ANKRD13C: variants seen among roughly 807,000 people sequenced by gnomAD.
ANKRD13C encodes ankyrin repeat domain 13C.
ANKRD13C carries 16 observed loss-of-function variants against 65.5 expected under a neutral mutation model. The observed-to-expected ratio is 0.24, with a 90% CI of 0.17 to 0.37. ANKRD13C has a LOEUF of 0.37. Among genes scored for constraint, ANKRD13C ranks in the 10% least tolerant of loss-of-function variants. The probability of loss-of-function intolerance (pLI) is 1.00; values close to 1 mark genes in which losing one functional copy is unlikely to be tolerated. For synonymous variants in ANKRD13C, 235 were observed against 238.7 expected (o/e 0.98, Z 0.14); for missense variants, 503 against 655.9 (o/e 0.77, Z 2.55).
intron 10 of ANKRD13C, among the ~76,000 whole-genome samples, chr1:70,275,313 T>C (rs569188061): frequency 1.3e-5 from 2 of 152,292 alleles, no homozygotes; most frequent in Admixed American, 1.3e-4. Context: ...CACAGGACAA[T>C]ACCTAATTCT....
intron 12 of ANKRD13C, among the ~76,000 whole-genome samples, chr1:70,265,200 T>C (rs1678562317): frequency 6.6e-6 from 1 of 151,982 alleles, no homozygotes; most frequent in Admixed American, 6.5e-5. Context: ...TTGGCAGATG[T>C]AGTGAGAATA....
chr1:70,320,093 T>C (rs1350962557), intron 3 of ANKRD13C, among the ~76,000 whole-genome samples: 2 of 152,034 alleles, frequency 1.3e-5, no homozygotes, highest in Non-Finnish European at 2.9e-5. Context: ...GAGGGGGATA[T>C]ATAAGTATGA....
At chr1:70,280,748 C>A (rs535700894) in intron 9 of ANKRD13C, among the ~76,000 whole-genome samples, 2 of 152,206 alleles carry the variant, frequency 1.3e-5, no homozygotes, top group African/African-American at 4.8e-5. Context: ...TAAAATAGTG[C>A]CTCACGCATA....
chr1:70,276,516 T>C (rs1411919467), intron 10 of ANKRD13C, among the ~76,000 whole-genome samples: 1 of 152,162 alleles, frequency 6.6e-6, no homozygotes, highest in Non-Finnish European at 1.5e-5. Flanking sequence ...TTTAGTTTTT[T>C]AGGTGTGTAT....
chr1:70,295,696 T>C (rs966658870), intron 8 of ANKRD13C, among the ~76,000 whole-genome samples: 1 of 152,146 alleles, frequency 6.6e-6, no homozygotes, highest in Non-Finnish European at 1.5e-5. Flanking sequence ...TGTAAGGTTA[T>C]TTAATCTTAC....
At chr1:70,295,785 TAG>T (rs1176209786) in intron 8 of ANKRD13C, among the ~76,000 whole-genome samples, 1 of 152,154 alleles carries the variant, frequency 6.6e-6, no homozygotes, top group East Asian at 1.9e-4. Flanking sequence ...TTCAGGGAAA[TAG>T]AGTCAAGTTT....
intron 2 of ANKRD13C, among the ~76,000 whole-genome samples, chr1:70,326,987 T>A (rs189432961): frequency 1.9e-3 from 266 of 139,214 alleles, no homozygotes; most frequent in African/African-American, 7.1e-3. Context: ...ATGATAAAAT[T>A]AGAAAATTTA....
chr1:70,324,379 T>C (rs1431022829), intron 3 of ANKRD13C, among the ~76,000 whole-genome samples: 2 of 152,190 alleles, frequency 1.3e-5, no homozygotes, highest in Non-Finnish European at 1.5e-5. Flanking sequence ...AAAAAGAATA[T>C]GACATGTTTT....
At chr1:70,322,516 C>T (rs1390760942) in intron 3 of ANKRD13C, among the ~76,000 whole-genome samples, 1 of 152,150 alleles carries the variant, frequency 6.6e-6, no homozygotes, top group Non-Finnish European at 1.5e-5. Flanking sequence ...ATCTGAGCCT[C>T]AATCTTTTAC....
intron 3 of ANKRD13C, among the ~76,000 whole-genome samples, chr1:70,324,430 CT>C (rs1681446175): frequency 6.6e-6 from 1 of 152,204 alleles, no homozygotes; most frequent in Non-Finnish European, 1.5e-5. Flanking sequence ...TAGAGACAGT[CT>C]TCTTCCTTGC....
At chr1:70,317,324 G>A (rs1032990393) in intron 3 of ANKRD13C, among the ~76,000 whole-genome samples, 2 of 152,140 alleles carry the variant, frequency 1.3e-5, no homozygotes, top group South Asian at 4.2e-4. Context: ...TCCCAAATAC[G>A]AACCTACATT....
intron 2 of ANKRD13C, among the ~76,000 whole-genome samples, chr1:70,328,104 TAAA>T (rs1025481917): frequency 2.6e-5 from 4 of 151,786 alleles, no homozygotes; most frequent in African/African-American, 9.7e-5. Context: ...ATATAAAACA[TAAA>T]AAGATAAAAT....
At chr1:70,314,587 T>C (rs1340958880) in intron 4 of ANKRD13C, among the ~76,000 whole-genome samples, 1 of 152,108 alleles carries the variant, frequency 6.6e-6, no homozygotes, top group Non-Finnish European at 1.5e-5. Context: ...GTTAAGAGTA[T>C]ATATTCTAAA....
At chr1:70,277,466 A>C (rs1009474450) in intron 9 of ANKRD13C, among the ~76,000 whole-genome samples, 4 of 152,080 alleles carry the variant, frequency 2.6e-5, no homozygotes, top group East Asian at 1.9e-4. Context: ...CAAAAAAAAA[A>C]AAAACAAAAC....
At position 70,354,161 on chromosome 1, in the gene ANKRD13C, G is replaced by A; in HGVS notation, c.248C>T (p.Ser83Phe). The A allele has an allele frequency of 1.2e-6, 2 of 1,614,174 alleles. No individual in the cohort carries two copies. Among genetic ancestry groups the A allele is most frequent in the Admixed American group, 1.7e-5 (1 of 60,028 alleles). Residue 83 changes from serine to phenylalanine, a missense_variant, in exon 1 of 13, where the codon TCC becomes TTC. By Grantham distance (155) the Ser-to-Phe change is radical. This residue lies in a region of ANKRD13C where 203 missense variants were observed against 177.6 expected (regional missense o/e 1.14). Coordinates refer to ENST00000370944, the MANE Select transcript of ANKRD13C (RefSeq NM_030816.5). ...GGACTGGGAGTTGGCAGTCACGGAGGAATTGTGCAGCGGCAGAGCCGGGGC... is the reference window on the plus strand; with the variant it reads ...GGACTGGGAGTTGGCAGTCACGGAGAAATTGTGCAGCGGCAGAGCCGGGGC... ...PGAPALPLHN[S>F]SVTANSQSPA... is the part of the protein sequence containing the mutation.
At chr1:70,296,954 G>A (rs1329205519) in intron 7 of ANKRD13C, among the ~76,000 whole-genome samples, 1 of 152,052 alleles carries the variant, frequency 6.6e-6, no homozygotes, top group Non-Finnish European at 1.5e-5. Context: ...TAATAATTGA[G>A]CAATAATTAT....
intron 3 of ANKRD13C, among the ~76,000 whole-genome samples, chr1:70,324,221 G>A (rs1681436787): frequency 6.6e-6 from 1 of 152,016 alleles, no homozygotes; most frequent in Non-Finnish European, 1.5e-5. Flanking sequence ...TTATCAGCAA[G>A]ATAATATTCC....
intron 3 of ANKRD13C, among the ~76,000 whole-genome samples, chr1:70,323,985 C>T (rs1245683774): frequency 6.6e-6 from 1 of 152,090 alleles, no homozygotes; most frequent in East Asian, 1.9e-4. Flanking sequence ...CTCAGCCTCC[C>T]AAAGTGCTGG....
At chr1:70,331,670 TG>T (rs1263101643) in intron 2 of ANKRD13C, among the ~76,000 whole-genome samples, 3 of 151,582 alleles carry the variant, frequency 2.0e-5, no homozygotes, top group African/African-American at 7.3e-5. Flanking sequence ...GGTGAAACCC[TG>T]TCTCTACTAA....
Sources: allele counts gnomAD v4.1 joint callset (sites outside exome capture counted in the v4.1 genomes callset), GRCh38; gene constraint gnomAD v4.1.1; regional missense constraint gnomAD v4.1.1; transcripts MANE v1.5; gene names NCBI Gene and HGNC (gene_info 2026-07-23, HGNC 2026-07-21).